MICAL3: variants seen among roughly 807,000 people sequenced by gnomAD.
MICAL3 encodes the protein [F-actin]-monooxygenase MICAL3.
MICAL3 carries 62 observed loss-of-function variants against 207.4 expected under a neutral mutation model. That is an observed-to-expected ratio of 0.30 (90% CI 0.24 to 0.37). The LOEUF is 0.37. Among genes scored for constraint, MICAL3 ranks in the 10% least tolerant of loss-of-function variants. The pLI is 1.00. For synonymous variants in MICAL3, 1,077 were observed against 1,069.3 expected, an observed-to-expected ratio of 1.01 and a Z score of -0.14; for missense variants, 2,368 against 2,635.6, an observed-to-expected ratio of 0.90 and a Z score of 2.22.
chr22:17,851,969 C>T (rs553748009), intron 19 of MICAL3, among the ~76,000 whole-genome samples: 5 of 152,262 alleles, frequency 3.3e-5, no homozygotes, highest in African/African-American at 2.4e-5. Flanking sequence ...TCCAGGCTGA[C>T]GTGCTTTCCC....
chr22:17,894,556 G>A (rs1368926377), intron 10 of MICAL3, among the ~76,000 whole-genome samples: 3 of 151,642 alleles, frequency 2.0e-5, no homozygotes, highest in African/African-American at 7.3e-5. Flanking sequence ...ATTACACTAG[G>A]GGCCAGGCAC....
At chr22:17,799,255 G>A (rs1048735452) in intron 29 of MICAL3, among the ~76,000 whole-genome samples, 4 of 152,126 alleles carry the variant, frequency 2.6e-5, no homozygotes, top group Admixed American at 1.3e-4. Flanking sequence ...GGTGGCGCAC[G>A]CCTGTAGTCC....
intron 19 of MICAL3, among the ~76,000 whole-genome samples, chr22:17,848,557 T>C (rs1300376251): frequency 6.6e-6 from 1 of 152,194 alleles, no homozygotes; most frequent in African/African-American, 2.4e-5. Context: ...CTATCTTGCT[T>C]TGAGCTAAAG....
intron 1 of MICAL3, among the ~76,000 whole-genome samples, chr22:17,912,167 G>T (rs191596580): frequency 1.3e-5 from 2 of 152,174 alleles, no homozygotes; most frequent in East Asian, 3.9e-4. Flanking sequence ...TATGTTTCTG[G>T]GCCCTCTATT....
chr22:17,991,644 T>G (rs140965382), intron 1 of MICAL3, among the ~76,000 whole-genome samples: 44 of 152,292 alleles, frequency 2.9e-4, no homozygotes, highest in African/African-American at 9.1e-4. Context: ...ATCAGGTGTT[T>G]AACTCATTTA....
intron 19 of MICAL3, among the ~76,000 whole-genome samples, chr22:17,858,763 C>G (rs904664815): frequency 6.6e-6 from 1 of 152,214 alleles, no homozygotes; most frequent in Non-Finnish European, 1.5e-5. Context: ...GGGGTGTTCC[C>G]AATGGGCAGC....
In MICAL3 at chr22:17,841,396, C is replaced by A. The variant is rs1232296293; in HGVS notation, c.2801+426G>T. On this transcript the variant is annotated intron_variant, in intron 20 of 31. Coordinates refer to ENST00000441493, the MANE Select transcript of MICAL3 (RefSeq NM_015241.3). This position sits in a 1 kb window ranked among gnomAD's most constrained non-coding sequence, Gnocchi z 4.2. Reference sequence around the variant, plus strand: ...TGGGGCACACATTTTCAGTCCCTTTCTTTACCTACAGGAGAAAAAAAGATG... The same window carrying A: ...TGGGGCACACATTTTCAGTCCCTTTATTTACCTACAGGAGAAAAAAAGATG... 3.3e-6 allele frequency: 1 copy of A among 299,750 alleles called. No homozygotes were observed. The highest frequency in any genetic ancestry group is 5.6e-5 in the East Asian group (1 of 17,994). The allele number at this position is 299,750 out of a possible 1,614,324, so 18.6% of individuals were successfully genotyped here. A position where few individuals can be genotyped will look rare whatever the true frequency, so the allele number is the denominator to read the frequency against.
chr22:17,861,501 T>C (rs957800510), intron 19 of MICAL3: 33 of 985,358 alleles, frequency 3.3e-5, no homozygotes, highest in Middle Eastern at 5.2e-4. Context: ...TACTTCATTT[T>C]TGGTCATCAA....
Position 17,872,654 on chromosome 22 carries a change from C to T in MICAL3, c.2242-631G>A, listed in dbSNP as rs187230456. ...AAAAGCAATTACCGCATAGCATACACGGGCTATGCAAGCTATAAGTGACTC... is the reference window on the plus strand; with the variant it reads ...AAAAGCAATTACCGCATAGCATACATGGGCTATGCAAGCTATAAGTGACTC... On this transcript the variant is annotated intron_variant, in intron 16 of 31. Transcript: ENST00000441493. The T allele has an allele frequency of 2.5e-5, 20 of 793,380 alleles. 1 individual carries two copies. Among genetic ancestry groups the T allele is most frequent in the Admixed American group, 1.4e-4 (7 of 49,924 alleles). The allele number at this position is 793,380 out of a possible 1,614,324, so 49.1% of individuals were successfully genotyped here.
chr22:17,866,325 C>T (rs1288941603), intron 17 of MICAL3, among the ~76,000 whole-genome samples: 1 of 152,204 alleles, frequency 6.6e-6, no homozygotes, highest in African/African-American at 2.4e-5. Flanking sequence ...AACAAAGTGG[C>T]AGTGTGTGAG....
chr22:17,813,891 T>C (rs1261916393), intron 27 of MICAL3: 4 of 152,184 alleles, frequency 2.6e-5, no homozygotes, highest in African/African-American at 2.4e-5. Context: ...TAAAGTCAAA[T>C]GGGAGCAATT....
intron 20 of MICAL3, 56 bp from the exon 21 acceptor site, chr22:17,832,163 G>GGAA: frequency 6.5e-7 from 1 of 1,533,822 alleles, no homozygotes; most frequent in Non-Finnish European, 8.8e-7. Flanking sequence ...ACTGAGAAGG[G>GGAA]GAAGGGGAAG....
At chr22:17,977,626 G>A (rs1935715509) in intron 1 of MICAL3, among the ~76,000 whole-genome samples, 1 of 151,950 alleles carries the variant, frequency 6.6e-6, no homozygotes, top group Admixed American at 6.6e-5. Context: ...AAGTAAAATA[G>A]TGCTGCAACT....
chr22:17,842,012 C>T lies in MICAL3; in HGVS notation c.2611G>A (p.Gly871Ser). The change falls in exon 20 of 32, where the codon GGC becomes AGC. Residue 871 changes from glycine (G) to serine (S), a missense_variant. By Grantham distance (56) the Gly-to-Ser change is moderately conservative (BLOSUM62 0). Coordinates refer to ENST00000441493, the MANE Select transcript of MICAL3 (RefSeq NM_015241.3). ...CTGGGCTCCTCCAGGCCGTTCACGC[C>T]TGAACCTGCGGGACAAGCACAGAAG... ...ASSTERTPGSGVNGLEEPSIA... is the reference protein window; with the variant it reads ...ASSTERTPGSSVNGLEEPSIA... The T allele has an allele frequency of 6.2e-7, 1 of 1,600,826 alleles. No homozygotes were observed. Among genetic ancestry groups the T allele is most frequent in the Middle Eastern group, 1.7e-4 (1 of 6,026 alleles).
Position 17,817,613 on chromosome 22 carries a change from T to C in MICAL3, c.5048A>G (p.Asp1683Gly), listed in dbSNP as rs760634940. 1.2e-6 allele frequency: 2 copies of C among 1,613,116 alleles called. No homozygotes were observed. ...LSPPSDSGGP[D>G]GSFTSSEGSS... Reference sequence around the variant, plus strand: ...GCCCTCGGATGAAGTGAAAGAGCCATCTGGGCCCCCTGAGTCCGACGGCGG... The same window carrying C: ...GCCCTCGGATGAAGTGAAAGAGCCACCTGGGCCCCCTGAGTCCGACGGCGG... The change falls in exon 26 of 32, where the codon GAT becomes GGT. Residue 1683 changes from aspartate (D) to glycine (G), a missense_variant. Asp to Gly is a moderately conservative substitution (Grantham distance 94). This residue lies in a region of MICAL3 where 1,770 missense variants were observed against 1,863.2 expected (regional missense o/e 0.95). Transcript: ENST00000441493.
rs148557969 is a variant in MICAL3 at position 17,860,419 on chromosome 22, T to G, written c.2605+4480A>C. ...CAGCTAATCCTCTCCTGTTGGGCTC[T>G]CGTACCGCCGCCGGGAAGCCGGCTG... On this transcript the variant is annotated intron_variant, in intron 19 of 31. Transcript: ENST00000441493. 2.3e-4 allele frequency: 226 copies of G among 985,436 alleles called. No individual in the cohort carries two copies. The African/African-American group carries it at 3.8e-3, about 16-fold the overall frequency. 61.0% of individuals were successfully genotyped at this position (985,436 alleles called of 1,614,324 possible).
chr22:17,853,906 C>T (rs1010951024), intron 19 of MICAL3, among the ~76,000 whole-genome samples: 2 of 152,218 alleles, frequency 1.3e-5, no homozygotes, highest in African/African-American at 4.8e-5. Flanking sequence ...AGTCTTCGTA[C>T]AGGGTCCCGA....
chr22:17,991,250 T>C (rs894234234), intron 1 of MICAL3, among the ~76,000 whole-genome samples: 1 of 152,002 alleles, frequency 6.6e-6, no homozygotes, highest in Non-Finnish European at 1.5e-5. Flanking sequence ...CCTGCGTGTG[T>C]GTAAGTGCTG....
At chr22:17,858,128 G>A (rs974041712) in intron 19 of MICAL3, among the ~76,000 whole-genome samples, 8 of 152,212 alleles carry the variant, frequency 5.3e-5, no homozygotes, top group Non-Finnish European at 8.8e-5. Flanking sequence ...CTGGAGGCCC[G>A]CATCCCCTCC....
Sources: gnomAD v4.1 joint callset for allele counts (sites outside exome capture counted in the v4.1 genomes callset) on GRCh38, gnomAD v4.1.1 for gene constraint, gnomAD v4.1.1 regional missense constraint, Gnocchi (gnomAD v3.1) non-coding constraint, MANE v1.5 for transcripts, NCBI Gene and HGNC (gene_info 2026-07-23, HGNC 2026-07-21) for gene names.